The following SLC44A5 variants were observed in gnomAD, a reference collection of about 807,000 sequenced individuals.
SLC44A5 encodes the protein solute carrier family 44 member 5.
SLC44A5 carries 57 observed loss-of-function variants against 101.8 expected under a neutral mutation model. That is an observed-to-expected ratio of 0.56 (90% CI 0.45 to 0.70). SLC44A5 has a LOEUF of 0.70. Ranked by LOEUF, SLC44A5 falls within the 30% of genes least tolerant of loss-of-function variation. The pLI is 0.00. For missense variants in SLC44A5, 737 were observed against 853.1 expected (o/e 0.86, Z 1.70); for synonymous variants, 281 against 290.9 (o/e 0.97, Z 0.35).
At chr1:75,505,407 T>A (rs1400119643) in intron 2 of SLC44A5, among the ~76,000 whole-genome samples, 1 of 152,202 alleles carries the variant, frequency 6.6e-6, no homozygotes, top group Non-Finnish European at 1.5e-5. Flanking sequence ...TAGTTCCGTT[T>A]TAAGTTCTTT....
At chr1:75,422,184 C>T (rs148671699) in intron 2 of SLC44A5, among the ~76,000 whole-genome samples, 273 of 152,278 alleles carry the variant, frequency 1.8e-3, no homozygotes, top group Non-Finnish European at 2.6e-3. Flanking sequence ...GAAAAGCAAA[C>T]GCCCTTTCTG....
chr1:75,302,207 G>A (rs570762596), intron 4 of SLC44A5, among the ~76,000 whole-genome samples: 283 of 126,808 alleles, frequency 2.2e-3, no homozygotes, highest in African/African-American at 8.1e-3. Flanking sequence ...GCATTCTTAC[G>A]TATCCTTCTT....
At chr1:75,702,792 T>C in the SLC44A5 span, among the ~76,000 whole-genome samples, 3 of 151,926 alleles carry the variant, frequency 2.0e-5, no homozygotes, top group East Asian at 5.8e-4. Flanking sequence ...GAATCTACAA[T>C]GAACTCCAAC....
At chr1:75,369,192 A>C (rs996520051) in intron 3 of SLC44A5, among the ~76,000 whole-genome samples, 2 of 150,704 alleles carry the variant, frequency 1.3e-5, no homozygotes, top group Non-Finnish European at 3.0e-5. Context: ...TTTTTTTTTA[A>C]TTTTTTGAAG....
chr1:75,665,916 A>G, the SLC44A5 span, among the ~76,000 whole-genome samples: 1 of 152,178 alleles, frequency 6.6e-6, no homozygotes, highest in South Asian at 2.1e-4. Context: ...AACCACAATG[A>G]GATACCATCT....
At chr1:75,523,585 G>A (rs1164576890) in intron 2 of SLC44A5, among the ~76,000 whole-genome samples, 1 of 152,094 alleles carries the variant, frequency 6.6e-6, no homozygotes, top group Non-Finnish European at 1.5e-5. Flanking sequence ...GCCTCCCAAA[G>A]TGTTGGGATT....
intron 2 of SLC44A5, among the ~76,000 whole-genome samples, chr1:75,495,480 G>T (rs1668624160): frequency 6.6e-6 from 1 of 151,636 alleles, no homozygotes; most frequent in Admixed American, 6.6e-5. Flanking sequence ...CAAACAAAAA[G>T]TCATAAAGAT....
intron 6 of SLC44A5, among the ~76,000 whole-genome samples, chr1:75,261,729 C>G (rs1251262880): frequency 2.0e-5 from 3 of 152,082 alleles, no homozygotes; most frequent in Admixed American, 6.6e-5. Context: ...AAATTTCAGG[C>G]CAATATCCCT....
At chr1:75,298,845 G>A (rs1460488794) in intron 5 of SLC44A5, among the ~76,000 whole-genome samples, 3 of 152,140 alleles carry the variant, frequency 2.0e-5, no homozygotes, top group Non-Finnish European at 4.4e-5. Context: ...ACCCAGAACT[G>A]TTATGCAGCA....
At chr1:75,617,033 T>G in the SLC44A5 span, among the ~76,000 whole-genome samples, 1 of 152,186 alleles carries the variant, frequency 6.6e-6, no homozygotes, top group African/African-American at 2.4e-5. Flanking sequence ...AAAGAAGTTC[T>G]GCTGGCGTCC....
chr1:75,628,841 T>C, the SLC44A5 span, among the ~76,000 whole-genome samples: 1 of 151,962 alleles, frequency 6.6e-6, no homozygotes, highest in African/African-American at 2.4e-5. Flanking sequence ...TATAACCACC[T>C]ACTCCTACAC....
chr1:75,458,992 G>T (rs1387397798), intron 2 of SLC44A5, among the ~76,000 whole-genome samples: 1 of 152,146 alleles, frequency 6.6e-6, no homozygotes, highest in Non-Finnish European at 1.5e-5. Flanking sequence ...AAGAGATAGA[G>T]AATTGAACCC....
chr1:75,547,376 G>C (rs1228258768), intron 1 of SLC44A5, among the ~76,000 whole-genome samples: 1 of 152,158 alleles, frequency 6.6e-6, no homozygotes, highest in African/African-American at 2.4e-5. Flanking sequence ...CCACAGAAAA[G>C]AGCAGAACTC....
chr1:75,412,805 A>G (rs962560326), intron 2 of SLC44A5, among the ~76,000 whole-genome samples: 3 of 152,158 alleles, frequency 2.0e-5, no homozygotes, highest in Non-Finnish European at 4.4e-5. Flanking sequence ...TTTGTCCAGC[A>G]TCTCCATGCT....
the SLC44A5 span, among the ~76,000 whole-genome samples, chr1:75,712,345 G>A: frequency 6.6e-6 from 1 of 151,974 alleles, no homozygotes; most frequent in Non-Finnish European, 1.5e-5. Flanking sequence ...ACCTCCTAAG[G>A]GCCACCTAAA....
chr1:75,407,110 TTGC>T (rs1427509193), intron 2 of SLC44A5, among the ~76,000 whole-genome samples: 1 of 152,056 alleles, frequency 6.6e-6, no homozygotes, highest in African/African-American at 2.4e-5. Context: ...CAATTCACAA[TTGC>T]TGCTAAGAGA....
At chr1:75,444,343 GGGAA>G (rs1171399852) in intron 2 of SLC44A5, among the ~76,000 whole-genome samples, 55 of 123,264 alleles carry the variant, frequency 4.5e-4, no homozygotes, top group African/African-American at 4.8e-4. Flanking sequence ...GAAAGAAGGA[GGGAA>G]GGAAGGAAGG....
At chr1:75,623,886 T>C in the SLC44A5 span, among the ~76,000 whole-genome samples, 2 of 152,076 alleles carry the variant, frequency 1.3e-5, no homozygotes, top group African/African-American at 2.4e-5. Flanking sequence ...ACTTTCCATT[T>C]AAAAGTAATT....
chr1:75,585,649 G>A (rs945542761), intron 1 of SLC44A5, among the ~76,000 whole-genome samples: 3 of 152,032 alleles, frequency 2.0e-5, no homozygotes, highest in Admixed American at 1.3e-4. Context: ...ATGTCTGAAG[G>A]CATTTCATGT....
Sources: gnomAD v4.1 joint callset for allele counts (sites outside exome capture counted in the v4.1 genomes callset) on GRCh38, gnomAD v4.1.1 for gene constraint, MANE v1.5 for transcripts, NCBI Gene and HGNC (gene_info 2026-07-23, HGNC 2026-07-21) for gene names.